The following EDIL3 variants were observed in gnomAD, a reference collection of about 807,000 sequenced individuals.
The protein encoded by EDIL3 is EGF like and discoidin domains 3.
EDIL3 carries 37 observed loss-of-function variants against 67.4 expected under a neutral mutation model. That is an observed-to-expected ratio of 0.55 (90% CI 0.42 to 0.72). The LOEUF (loss-of-function observed/expected upper bound fraction) is 0.72. EDIL3 is among the 30% of genes least tolerant of loss of function. The probability of loss-of-function intolerance (pLI) is 0.00; values close to 1 mark genes in which losing one functional copy is unlikely to be tolerated. For missense variants in EDIL3, 527 were observed against 586.3 expected (o/e 0.90, Z 1.04); for synonymous variants, 195 against 196.3 (o/e 0.99, Z 0.05).
At chr5:84,092,351 C>T (rs1311217674) in intron 6 of EDIL3, among the ~76,000 whole-genome samples, 1 of 152,164 alleles carries the variant, frequency 6.6e-6, no homozygotes, top group Non-Finnish European at 1.5e-5. Context: ...AAATCTCAAA[C>T]TTTGTAAATA....
intron 9 of EDIL3, among the ~76,000 whole-genome samples, chr5:83,998,718 G>C (rs2112166905): frequency 6.6e-6 from 1 of 152,316 alleles, no homozygotes; most frequent in African/African-American, 2.4e-5. Context: ...TGCCATGAAG[G>C]GAAAGACACA....
At chr5:84,274,891 C>A (rs1372437022) in intron 1 of EDIL3, among the ~76,000 whole-genome samples, 1 of 152,106 alleles carries the variant, frequency 6.6e-6, no homozygotes, top group Non-Finnish European at 1.5e-5. Context: ...CAATTTAATT[C>A]TTTTAGTGTA....
chr5:84,151,106 AG>A (rs1158396463), intron 4 of EDIL3, among the ~76,000 whole-genome samples: 1 of 152,134 alleles, frequency 6.6e-6, no homozygotes, highest in African/African-American at 2.4e-5. Flanking sequence ...ATGGATTCAC[AG>A]GTTCATATAT....
chr5:83,961,504 T>C (rs1489693645), intron 10 of EDIL3, among the ~76,000 whole-genome samples: 1 of 151,226 alleles, frequency 6.6e-6, no homozygotes, highest in Non-Finnish European at 1.5e-5. Flanking sequence ...AAAAAGTATC[T>C]CAACAGTTTA....
At chr5:84,298,159 T>C (rs912681515) in intron 1 of EDIL3, among the ~76,000 whole-genome samples, 2 of 152,208 alleles carry the variant, frequency 1.3e-5, no homozygotes, top group African/African-American at 4.8e-5. Context: ...TAAATCATTC[T>C]ATTATAAAGA....
chr5:84,356,038 C>G (rs1036709274), intron 1 of EDIL3, among the ~76,000 whole-genome samples: 1 of 152,048 alleles, frequency 6.6e-6, no homozygotes, highest in African/African-American at 2.4e-5. Flanking sequence ...AGCAGATGGC[C>G]GATTTATCTC....
At chr5:84,287,419 C>T (rs1745829960) in intron 1 of EDIL3, among the ~76,000 whole-genome samples, 1 of 152,124 alleles carries the variant, frequency 6.6e-6, no homozygotes, top group African/African-American at 2.4e-5. Context: ...AAGAAAACAA[C>T]AGTATTGCTT....
intron 10 of EDIL3, among the ~76,000 whole-genome samples, chr5:83,961,590 T>C (rs1175083182): frequency 2.6e-5 from 4 of 151,250 alleles, no homozygotes; most frequent in Admixed American, 1.3e-4. Flanking sequence ...ATAGACGTGC[T>C]GTTTACTGAA....
chr5:84,055,232 G>T lies in EDIL3; in HGVS notation c.1137+5068C>A, dbSNP rs1424215811. Among the ~76,000 whole-genome samples, 4 of 146,458 alleles carry T rather than the reference G, an allele frequency of 2.7e-5. 1 individual carries two copies. Among genetic ancestry groups the T allele is most frequent in the Admixed American group, 2.7e-4 (4 of 14,908 alleles). ...GAAAGGATTCCCTGTTTAACAAATG[G>T]TGCTGGGAAAACTGGCTAGCCATAT... On this transcript the variant is annotated intron_variant, in intron 9 of 10. Coordinates refer to ENST00000296591, the MANE Select transcript of EDIL3 (RefSeq NM_005711.5).
chr5:83,973,229 G>T (rs963452072), intron 9 of EDIL3, among the ~76,000 whole-genome samples: 1 of 151,980 alleles, frequency 6.6e-6, no homozygotes, highest in Admixed American at 6.6e-5. Flanking sequence ...ATTCAGGGTG[G>T]TGGTTAATTG....
At chr5:84,211,746 C>A (rs148185307) in intron 3 of EDIL3, among the ~76,000 whole-genome samples, 25 of 152,252 alleles carry the variant, frequency 1.6e-4, no homozygotes, top group Admixed American at 4.6e-4. Flanking sequence ...CTGGATTATG[C>A]CTTGACTTCA....
At chr5:84,040,554 A>G (rs948815294) in intron 9 of EDIL3, among the ~76,000 whole-genome samples, 2 of 150,358 alleles carry the variant, frequency 1.3e-5, no homozygotes, top group Non-Finnish European at 3.0e-5. Flanking sequence ...CACTTAAATT[A>G]CAGATACGAA....
At chr5:84,333,714 C>T (rs1395164576) in intron 1 of EDIL3, among the ~76,000 whole-genome samples, 3 of 151,990 alleles carry the variant, frequency 2.0e-5, no homozygotes, top group South Asian at 4.1e-4. Flanking sequence ...TATATGAGTA[C>T]GTTCTATTTC....
At chr5:84,091,010 T>C (rs1176910614) in intron 6 of EDIL3, among the ~76,000 whole-genome samples, 1 of 151,314 alleles carries the variant, frequency 6.6e-6, no homozygotes, top group Non-Finnish European at 1.5e-5. Flanking sequence ...AGTTACTTAA[T>C]ATAGCCTTAA....
chr5:84,287,549 AC>A (rs1324442851), intron 1 of EDIL3, among the ~76,000 whole-genome samples: 3 of 152,198 alleles, frequency 2.0e-5, no homozygotes, highest in South Asian at 2.1e-4. Flanking sequence ...TAATGAAACT[AC>A]ACAAGCTTAA....
In EDIL3 at chr5:84,180,502, T is replaced by C; in HGVS notation, c.246A>G (p.Pro82=). Residue 82 remains proline, a synonymous_variant, in exon 4 of 11, where the codon CCA becomes CCG. Coordinates refer to ENST00000296591, the MANE Select transcript of EDIL3 (RefSeq NM_005711.5). ...TTTCACAGGTTCCTCCATTATGGCA[T>C]GGATTAGGAGTGCAGGGACCTGAAA... ...PTSAGPCTPN[P]CHNGGTCEIS... The C allele has an allele frequency of 6.2e-7, 1 of 1,605,782 alleles. No homozygotes were observed. The highest frequency in any genetic ancestry group is 8.5e-7 in the Non-Finnish European group (1 of 1,176,078).
At chr5:84,296,550 TTATTCTTTA>T (rs1014587963) in intron 1 of EDIL3, among the ~76,000 whole-genome samples, 2 of 83,278 alleles carry the variant, frequency 2.4e-5, no homozygotes, top group African/African-American at 6.4e-5. Context: ...AGTATACAAG[TTATTCTTTA>T]TGCTACCTAA....
rs1745723400 is a variant in EDIL3, at chr5:84,021,911, A to C, written c.1137+38389T>G. Among the ~76,000 whole-genome samples the C allele has an allele frequency of 2.6e-5, 4 of 152,108 alleles. No individual in the cohort carries two copies. The South Asian group carries it at 8.3e-4, about 32-fold the overall frequency. On this transcript the variant is annotated intron_variant, in intron 9 of 10. Transcript: ENST00000296591. Reference sequence around the variant, plus strand: ...TAGTGAGATTGAACCAGTAATAAAAAGTCTCCCAACAACAAAAAGCCCAGG... The same window carrying C: ...TAGTGAGATTGAACCAGTAATAAAACGTCTCCCAACAACAAAAAGCCCAGG...
chr5:84,330,865 C>T (rs1053923283), intron 1 of EDIL3, among the ~76,000 whole-genome samples: 2 of 152,188 alleles, frequency 1.3e-5, no homozygotes, highest in African/African-American at 4.8e-5. Flanking sequence ...AGGGTTGGCA[C>T]TCCAGCCCTT....
Sources: gnomAD v4.1 joint callset for allele counts (sites outside exome capture counted in the v4.1 genomes callset) on GRCh38, gnomAD v4.1.1 for gene constraint, MANE v1.5 for transcripts, NCBI Gene and HGNC (gene_info 2026-07-23, HGNC 2026-07-21) for gene names.